Variants in SCN7A observed in about 807,000 individuals in gnomAD.
SCN7A encodes sodium channel protein type 7 subunit alpha.
In SCN7A, 138 loss-of-function variants were observed where a neutral mutation model predicts 155.2. The ratio of observed to expected loss-of-function variants is 0.89; its 90% CI spans 0.77 to 1.02. The LOEUF (loss-of-function observed/expected upper bound fraction) is 1.02. Ranked by LOEUF, SCN7A falls within the 50% of genes least tolerant of loss-of-function variation. SCN7A has a pLI of 0.00. For synonymous variants in SCN7A, 693 were observed against 649.0 expected, an observed-to-expected ratio of 1.07 and a Z score of -1.03; for missense variants, 2,058 against 1,986.6, an observed-to-expected ratio of 1.04 and a Z score of -0.68.
At chr2:166,452,089 G>T (rs1479950448) in intron 11 of SCN7A, among the ~76,000 whole-genome samples, 3 of 151,890 alleles carry the variant, frequency 2.0e-5, no homozygotes, top group African/African-American at 4.8e-5. Context: ...CATTACAGTT[G>T]ATTTGTTCTA....
intron 7 of SCN7A, among the ~76,000 whole-genome samples, chr2:166,469,133 CA>C (rs1702599554): frequency 6.6e-6 from 1 of 151,050 alleles, no homozygotes; most frequent in Admixed American, 6.6e-5. Flanking sequence ...GGTCTGTTTT[CA>C]GGATCACTGT....
chr2:166,434,256 A>T (rs1290669828), intron 15 of SCN7A, among the ~76,000 whole-genome samples: 1 of 152,176 alleles, frequency 6.6e-6, no homozygotes, highest in Non-Finnish European at 1.5e-5. Context: ...TTAGGAATAC[A>T]GAAGGTTCAA....
Position 166,412,665 on chromosome 2 carries a change from A to C in SCN7A, c.3471T>G (p.Val1157=). Residue 1157 remains valine, a splice_region_variant and synonymous_variant, in exon 23 of 26, where the codon GTT becomes GTG. Transcript: ENST00000643258. ...IMNSAIDSVA[V]NIQPHFEVNI... is the part of the protein sequence containing the mutation. Reference sequence around the variant, plus strand: ...TGACTTCAAAATGAGGCTGTATATTAACCTAGAAGTTTAAAATAAGCAAAT... The same window carrying C: ...TGACTTCAAAATGAGGCTGTATATTCACCTAGAAGTTTAAAATAAGCAAAT... 2 of 1,490,298 alleles carry C rather than the reference A, an allele frequency of 1.3e-6. No homozygotes were observed. Among genetic ancestry groups the C allele is most frequent in the Non-Finnish European group, 1.8e-6 (2 of 1,127,092 alleles). 92.3% of individuals were successfully genotyped at this position (1,490,298 alleles called of 1,614,324 possible).
At chr2:166,424,816 C>T (rs1701587412) in intron 18 of SCN7A, among the ~76,000 whole-genome samples, 1 of 152,036 alleles carries the variant, frequency 6.6e-6, no homozygotes, top group Non-Finnish European at 1.5e-5. Context: ...TATAATTGCA[C>T]CCAGCTACAT....
In SCN7A at chr2:166,489,465, T is replaced by G. The variant is rs1228732149; in HGVS notation, c.-127-2497A>C. Reference sequence around the variant, plus strand: ...TTACCAAAGCCCAGATATGGAAAATTTGCACACTGAAGTTTGAGGAATAAA... The same window carrying G: ...TTACCAAAGCCCAGATATGGAAAATGTGCACACTGAAGTTTGAGGAATAAA... On this transcript the variant is annotated intron_variant, in intron 1 of 25. Coordinates refer to ENST00000643258, the MANE Select transcript of SCN7A (RefSeq NM_002976.4). Among the ~76,000 whole-genome samples the G allele has an allele frequency of 2.0e-5, 3 of 152,164 alleles. No individual in the cohort carries two copies. In the East Asian group the frequency reaches 5.8e-4, roughly 29 times the overall value.
chr2:166,452,437 G>A (rs1207090042), intron 11 of SCN7A, among the ~76,000 whole-genome samples: 1 of 152,012 alleles, frequency 6.6e-6, no homozygotes, highest in Admixed American at 6.6e-5. Flanking sequence ...TAGTGTTTAT[G>A]ATAATTTGAT....
chr2:166,449,175 G>C (rs1288493648), intron 11 of SCN7A, among the ~76,000 whole-genome samples: 1 of 151,816 alleles, frequency 6.6e-6, no homozygotes, highest in Non-Finnish European at 1.5e-5. Context: ...GATGTTTCCA[G>C]TGATCAGATG....
intron 7 of SCN7A, 82 bp from the exon 8 acceptor site, chr2:166,466,069 A>T: frequency 1.1e-6 from 1 of 890,318 alleles, no homozygotes; most frequent in South Asian, 1.6e-5. Context: ...CAGCAACTGC[A>T]TACTCCATTG....
At chr2:166,490,490 C>A (rs1290024449) in intron 1 of SCN7A, among the ~76,000 whole-genome samples, 1 of 152,070 alleles carries the variant, frequency 6.6e-6, no homozygotes, top group Non-Finnish European at 1.5e-5. Flanking sequence ...ATGTTTCCTG[C>A]AGTATTATTT....
intron 11 of SCN7A, among the ~76,000 whole-genome samples, chr2:166,448,323 G>T (rs1003429217): frequency 2.0e-5 from 3 of 152,080 alleles, no homozygotes; most frequent in African/African-American, 7.2e-5. Flanking sequence ...ACTCCATTGT[G>T]TATATACTAT....
rs1375825726 is a variant in SCN7A, at chr2:166,474,272, G to A, written c.307C>T (p.Pro103Ser). Reference sequence around the variant, plus strand: ...GTTGTTCTTCTAATACAATTGAAAGGAGACAATGTACACAAGATGGAAGCC... The same window carrying A: ...GTTGTTCTTCTAATACAATTGAAAGAAGACAATGTACACAAGATGGAAGCC... ...NAASILCTLS[P>S]FNCIRRTTIK... Residue 103 changes from proline to serine, a missense_variant, in exon 4 of 26, where the codon CCT becomes TCT. Coordinates refer to ENST00000643258, the MANE Select transcript of SCN7A (RefSeq NM_002976.4). The A allele has an allele frequency of 5.9e-6, 9 of 1,524,038 alleles. No individual in the cohort carries two copies. Among genetic ancestry groups the A allele is most frequent in the African/African-American group, 1.4e-5 (1 of 72,014 alleles). 94.4% of individuals were successfully genotyped at this position (1,524,038 alleles called of 1,614,324 possible). A position where few individuals can be genotyped will look rare whatever the true frequency, so the allele number is the denominator to read the frequency against.
chr2:166,443,968 G>A (rs114086495), intron 13 of SCN7A, among the ~76,000 whole-genome samples: 180 of 152,220 alleles, frequency 1.2e-3, no homozygotes, highest in African/African-American at 4.1e-3. Context: ...ATTTTGAATA[G>A]TTATTTTTGA....
chr2:166,432,667 AG>A lies in SCN7A; in HGVS notation c.2242del (p.Leu748SerfsTer12). The A allele has an allele frequency of 6.2e-7, 1 of 1,607,212 alleles. No individual in the cohort carries two copies. Among genetic ancestry groups the A allele is most frequent in the Non-Finnish European group, 8.5e-7 (1 of 1,177,940 alleles). On this transcript the variant is annotated frameshift_variant, in exon 16 of 26. Coordinates refer to ENST00000643258, the MANE Select transcript of SCN7A (RefSeq NM_002976.4). LOFTEE classifies it high-confidence loss of function. Reference protein sequence around the residue: ...TAEENNEAKNLQLAVARIKKG... With the variant: ...TAEENNEAKNXQLAVARIKKG... Reference sequence around the variant, plus strand: ...TTTAATTCTTGCCACTGCAAGCTGGAGATTTTTTGCTTCATTATTCTCTTCA... The same window carrying A: ...TTTAATTCTTGCCACTGCAAGCTGGAATTTTTTGCTTCATTATTCTCTTCA...
intron 14 of SCN7A, 34 bp from the exon 15 acceptor site, chr2:166,441,786 C>A (rs764207983): frequency 3.3e-6 from 5 of 1,521,972 alleles, no homozygotes; most frequent in South Asian, 2.6e-5. Flanking sequence ...GAACAAGAAA[C>A]AAATGACAAA....
In SCN7A at chr2:166,456,977, T is replaced by C. The variant is rs550799651; in HGVS notation, c.1183A>G (p.Met395Val). 5 of 1,606,856 alleles carry C rather than the reference T, an allele frequency of 3.1e-6. No individual in the cohort carries two copies. In the African/African-American group the frequency reaches 6.7e-5, roughly 21 times the overall value. ...CTCTGCTTTTCTTCTTCATAGGCCA[T>C]GGCAAGTATGCCTAAGAACAAACTT... ...MASLFLGILA[M>V]AYEEEKQRVG... Residue 395 changes from methionine (M) to valine (V), a missense_variant, in exon 11 of 26, where the codon ATG becomes GTG. By Grantham distance (21) the Met-to-Val change is conservative. Coordinates refer to ENST00000643258, the MANE Select transcript of SCN7A (RefSeq NM_002976.4).
chr2:166,438,972 A>AT (rs1701893830), intron 15 of SCN7A, among the ~76,000 whole-genome samples: 1 of 141,038 alleles, frequency 7.1e-6, no homozygotes, highest in Admixed American at 7.2e-5. Flanking sequence ...TGTTTAGGCA[A>AT]ATATATATAT....
Position 166,457,074 on chromosome 2 carries a change from T to G in SCN7A, c.1086A>C (p.Ile362=), listed in dbSNP as rs756703235. The G allele has an allele frequency of 1.9e-6, 3 of 1,596,464 alleles. No individual in the cohort carries two copies. The South Asian group carries it at 3.4e-5, about 18-fold the overall frequency. Residue 362 remains isoleucine (I), a splice_region_variant and synonymous_variant, in exon 11 of 26, where the codon ATA becomes ATC. Transcript: ENST00000643258. Reference sequence around the variant, plus strand: ...TGTAGACCTTCCCAGAAGCATAAAGTATCTAAGGAAAGGTAGAAAGTAAGG... The same window carrying G: ...TGTAGACCTTCCCAGAAGCATAAAGGATCTAAGGAAAGGTAGAAAGTAAGG... ...QDYPEVLYHQ[I]LYASGKVYMI... is the part of the protein sequence containing the mutation.
In SCN7A at chr2:166,414,232, A is replaced by ATATT. The variant is rs1359619124; in HGVS notation, c.3415-1112_3415-1111insAATA. On this transcript the variant is annotated intron_variant, in intron 21 of 25. Coordinates refer to ENST00000643258, the MANE Select transcript of SCN7A (RefSeq NM_002976.4). Reference sequence around the variant, plus strand: ...TATGTAAATATATATAAATATATATATCTATATATGTAAATATATATAGAT... The same window carrying ATATT: ...TATGTAAATATATATAAATATATATATATTTCTATATATGTAAATATATATAGAT... 8.2e-4 allele frequency among the ~76,000 whole-genome samples: 66 copies of ATATT among 80,206 alleles called. 3 individuals carry two copies. The highest frequency in any genetic ancestry group is 3.4e-3 in the African/African-American group (65 of 19,300). The allele number at this position is 80,206 out of a possible 152,430, so 52.6% of individuals were successfully genotyped here.
intron 16 of SCN7A, among the ~76,000 whole-genome samples, chr2:166,430,622 A>G (rs1371781130): frequency 6.6e-6 from 1 of 151,950 alleles, no homozygotes; most frequent in African/African-American, 2.4e-5. Context: ...CAAATTATAA[A>G]TCATTTATTT....
Sources: gnomAD v4.1 joint callset for allele counts (sites outside exome capture counted in the v4.1 genomes callset) on GRCh38, gnomAD v4.1.1 for gene constraint, MANE v1.5 for transcripts, NCBI Gene and HGNC (gene_info 2026-07-23, HGNC 2026-07-21) for gene names.